LATS1: variants seen among roughly 807,000 people sequenced by gnomAD.
The protein encoded by LATS1 is serine/threonine-protein kinase LATS1.
LATS1 carries 25 observed loss-of-function variants against 106.6 expected under a neutral mutation model. The ratio of observed to expected loss-of-function variants is 0.23; its 90% CI spans 0.17 to 0.33. The LOEUF (loss-of-function observed/expected upper bound fraction) is 0.33, where lower values mean the gene tolerates loss of function less well. Ranked by LOEUF, LATS1 falls within the 10% of genes least tolerant of loss-of-function variation. LATS1 has a pLI of 1.00. For synonymous variants in LATS1, 465 were observed against 455.6 expected (o/e 1.02, Z -0.26); for missense variants, 1,040 against 1,382.6 (o/e 0.75, Z 3.93).
chr6:149,675,847 G>A (rs62439842), intron 7 of LATS1: 71,275 of 160,658 alleles, frequency 0.44, 17,011 homozygotes, highest in East Asian at 0.81. Flanking sequence ...ATGAGCCACC[G>A]TGCCTGGCCT....
At chr6:149,671,276 G>A (rs1350798426) in intron 7 of LATS1, among the ~76,000 whole-genome samples, 1 of 151,836 alleles carries the variant, frequency 6.6e-6, no homozygotes, top group African/African-American at 2.4e-5. Flanking sequence ...TGGGATTACA[G>A]GCATGCACCA....
chr6:149,663,424 G>A (rs1299252138), intron 7 of LATS1, among the ~76,000 whole-genome samples: 4 of 151,894 alleles, frequency 2.6e-5, no homozygotes, highest in South Asian at 2.1e-4. Flanking sequence ...AGAGTGAGCC[G>A]TGATTGTGCC....
At chr6:149,676,487 G>T in intron 6 of LATS1, 68 bp downstream of exon 6, 5 of 1,450,354 alleles carry the variant, frequency 3.4e-6, no homozygotes, top group African/African-American at 1.4e-5. Flanking sequence ...GAAAAATAAG[G>T]CATATTCTAG....
intron 3 of LATS1, among the ~76,000 whole-genome samples, chr6:149,694,217 T>C (rs1782935894): frequency 6.6e-6 from 1 of 152,238 alleles, no homozygotes; most frequent in African/African-American, 2.4e-5. Flanking sequence ...TGTACAAAGA[T>C]TTAGCTATAA....
chr6:149,685,572 G>C (rs1175185458), intron 3 of LATS1, among the ~76,000 whole-genome samples: 1 of 152,084 alleles, frequency 6.6e-6, no homozygotes, highest in Admixed American at 6.5e-5. Context: ...TTTTAGTAGA[G>C]ACGGGGTTTC....
Position 149,697,065 on chromosome 6 carries a change from T to C in LATS1, c.349-1844A>G, listed in dbSNP as rs759772856. On this transcript the variant is annotated intron_variant, in intron 2 of 7. Transcript: ENST00000543571. ...CATGCAGAAAGTATGTTGACATGCATTTTTCAAGAGGGAGGCAACTACTTA... is the reference window on the plus strand; with the variant it reads ...CATGCAGAAAGTATGTTGACATGCACTTTTCAAGAGGGAGGCAACTACTTA... 44 of 982,940 alleles carry C rather than the reference T, an allele frequency of 4.5e-5. 1 individual carries two copies. Among genetic ancestry groups the C allele is most frequent in the Non-Finnish European group, 6.2e-5 (43 of 693,326 alleles). The allele number at this position is 982,940 out of a possible 1,614,324, so 60.9% of individuals were successfully genotyped here.
At position 149,712,922 on chromosome 6, in the gene LATS1, G is replaced by A. The variant is rs181359125; in HGVS notation, c.-141+4927C>T. The stretch of plus-strand genomic sequence containing the variant: ...AGGTGGGTGGATCAATTGAGCCCAG[G>A]AGGTCGAGGCTGCAGTGAGCTGTGA... On this transcript the variant is annotated intron_variant, in intron 1 of 7. Coordinates refer to ENST00000543571, the MANE Select transcript of LATS1 (RefSeq NM_004690.4). 7.9e-3 allele frequency among the ~76,000 whole-genome samples: 1,200 copies of A among 152,206 alleles called. 15 individuals carry two copies. The highest frequency in any genetic ancestry group is 0.026 in the African/African-American group (1,087 of 41,536).
At chr6:149,676,134 G>A (rs540739023) in intron 7 of LATS1, 126 bp downstream of exon 7, 1 of 672,754 alleles carries the variant, frequency 1.5e-6, no homozygotes, top group African/African-American at 1.8e-5. Flanking sequence ...TTATGGGTGT[G>A]AGCCACTGCA....
intron 1 of LATS1, among the ~76,000 whole-genome samples, chr6:149,706,716 T>G (rs1783793394): frequency 6.6e-6 from 1 of 151,962 alleles, no homozygotes; most frequent in Non-Finnish European, 1.5e-5. Context: ...GAAGGCAATG[T>G]GATGATGAAG....
At position 149,679,927 on chromosome 6, in the gene LATS1, A is replaced by G. The variant is rs1257848936; in HGVS notation, c.2541T>C (p.Phe847=). 2 of 1,613,532 alleles carry G rather than the reference A, an allele frequency of 1.2e-6. No homozygotes were observed. The highest frequency in any genetic ancestry group is 1.7e-4 in the Middle Eastern group (1 of 6,060). The change falls in exon 5 of 8, where the codon TTT becomes TTC. Residue 847 remains phenylalanine (F), a synonymous_variant. Transcript: ENST00000543571. ...TCCATCTGAAGCCAGTGCAGAGGCC[A>G]AAGTCAGTCAATTTAATATGACCAT... is the stretch of plus-strand genomic sequence containing the variant. ...DRDGHIKLTD[F]GLCTGFRWTH... is the part of the protein sequence containing the mutation.
intron 2 of LATS1, among the ~76,000 whole-genome samples, chr6:149,700,140 A>G (rs2114944613): frequency 6.6e-6 from 1 of 152,346 alleles, no homozygotes; most frequent in East Asian, 1.9e-4. Flanking sequence ...GATAGAAAAT[A>G]ATATTAATCA....
At position 149,661,912 on chromosome 6, in the gene LATS1, A is replaced by T. The variant is rs746667858; in HGVS notation, c.3210T>A (p.His1070Gln). 6 of 1,613,864 alleles carry T rather than the reference A, an allele frequency of 3.7e-6. No homozygotes were observed. The highest frequency in any genetic ancestry group is 1.3e-5 in the African/African-American group (1 of 74,924). The stretch of plus-strand genomic sequence containing the variant: ...TAAATTCATAGAATGCATGTTCAGG[A>T]TGCTTTCCATTTTTATACCATCCAT... ...TLNGWYKNGKHPEHAFYEFTF... is the reference protein window; with the variant it reads ...TLNGWYKNGKQPEHAFYEFTF... The change falls in exon 8 of 8, where the codon CAT becomes CAA. Residue 1070 changes from histidine to glutamine, a missense_variant. His to Gln is a conservative substitution (Grantham distance 24). Coordinates refer to ENST00000543571, the MANE Select transcript of LATS1 (RefSeq NM_004690.4).
chr6:149,693,083 T>C lies in LATS1; in HGVS notation c.496+1991A>G, dbSNP rs548062486. Among the ~76,000 whole-genome samples the C allele has an allele frequency of 2.6e-5, 4 of 151,016 alleles. No homozygotes were observed. In the East Asian group the frequency reaches 8.0e-4, roughly 30 times the overall value. Reference sequence around the variant, plus strand: ...TTCGAGACCAGCCTGATCTACATGGTGAAACCCTATCTCTACTAAAAATAC... The same window carrying C: ...TTCGAGACCAGCCTGATCTACATGGCGAAACCCTATCTCTACTAAAAATAC... On this transcript the variant is annotated intron_variant, in intron 3 of 7. Transcript: ENST00000543571.
Position 149,676,733 on chromosome 6 carries a change from G to A in LATS1, c.2598C>T (p.Asp866=), listed in dbSNP as rs1019434838. 1.2e-6 allele frequency: 2 copies of A among 1,610,428 alleles called. No individual in the cohort carries two copies. The highest frequency in any genetic ancestry group is 1.7e-6 in the Non-Finnish European group (2 of 1,177,348). The change falls in exon 6 of 8, where the codon GAC becomes GAT. Residue 866 remains aspartate, a synonymous_variant. Transcript: ENST00000543571. The part of the protein sequence containing the change: ...THDSKYYQSG[D]HPRQDSMDFS... ...AATCCATGCTATCTTGCCGTGGATG[G>A]TCACCTGCACAACAAAAGAATAAGT...
intron 3 of LATS1, among the ~76,000 whole-genome samples, chr6:149,688,428 C>G (rs1782529118): frequency 6.6e-6 from 1 of 152,046 alleles, no homozygotes; most frequent in Non-Finnish European, 1.5e-5. Context: ...CCTGCCTCAG[C>G]CTCCCAAGTA....
chr6:149,678,175 A>C lies in LATS1; in HGVS notation c.2594-1438T>G, dbSNP rs1368371367. Reference sequence around the variant, plus strand: ...CTCTACTAAAAATCCAAAAAAAAAAAAAAAAAAAAAAAAAAAAAAATAGCC... The same window carrying C: ...CTCTACTAAAAATCCAAAAAAAAAACAAAAAAAAAAAAAAAAAAAATAGCC... On this transcript the variant is annotated intron_variant, in intron 5 of 7. Coordinates refer to ENST00000543571, the MANE Select transcript of LATS1 (RefSeq NM_004690.4). Among the ~76,000 whole-genome samples the C allele has an allele frequency of 5.7e-4, 82 of 144,826 alleles. 3 individuals are homozygous for C. The East Asian group carries it at 8.9e-3, about 16-fold the overall frequency.
chr6:149,697,084 CTACT>C (rs1783137208), intron 2 of LATS1: 1 of 1,235,488 alleles, frequency 8.1e-7, no homozygotes, highest in Non-Finnish European at 1.1e-6. Flanking sequence ...AGGGAGGCAA[CTACT>C]TACTTGTCCT....
intron 7 of LATS1, among the ~76,000 whole-genome samples, chr6:149,669,335 G>A (rs553372690): frequency 6.6e-5 from 10 of 151,778 alleles, no homozygotes; most frequent in East Asian, 1.9e-4. Context: ...GGGTTTCACC[G>A]TGTTAGCCAG....
chr6:149,689,781 TCTG>T (rs1562339790), intron 3 of LATS1, among the ~76,000 whole-genome samples: 1 of 152,144 alleles, frequency 6.6e-6, no homozygotes, highest in African/African-American at 2.4e-5. Context: ...CCTAGGCCCG[TCTG>T]CTGCTGTTAG....
Sources: allele counts gnomAD v4.1 joint callset (sites outside exome capture counted in the v4.1 genomes callset), GRCh38; gene constraint gnomAD v4.1.1; transcripts MANE v1.5; gene names NCBI Gene and HGNC (gene_info 2026-07-23, HGNC 2026-07-21).